The following ADGB variants were observed in gnomAD, a reference collection of about 807,000 sequenced individuals.
ADGB encodes the protein calpain-7-like protein.
In ADGB, 172 loss-of-function variants were observed where a neutral mutation model predicts 210.5. The observed-to-expected ratio is 0.82, with a 90% CI of 0.72 to 0.93. The LOEUF (loss-of-function observed/expected upper bound fraction) is 0.93, where lower values mean the gene tolerates loss of function less well. Ranked by LOEUF, ADGB falls within the 40% of genes least tolerant of loss-of-function variation. The pLI, the probability that ADGB is intolerant of heterozygous loss-of-function variation, is 0.00. For synonymous variants in ADGB, 658 were observed against 662.7 expected, an observed-to-expected ratio of 0.99 and a Z score of 0.11; for missense variants, 2,025 against 1,964.8, an observed-to-expected ratio of 1.03 and a Z score of -0.58.
intron 25 of ADGB, among the ~76,000 whole-genome samples, chr6:146,741,867 A>G (rs1421932462): frequency 6.6e-6 from 1 of 152,184 alleles, no homozygotes; most frequent in Non-Finnish European, 1.5e-5. Context: ...TCTAAGAGAG[A>G]ATCACAACAA....
chr6:146,706,250 C>CTTTTCT (rs753111170), intron 13 of ADGB, among the ~76,000 whole-genome samples: 1 of 147,448 alleles, frequency 6.8e-6, no homozygotes, highest in Non-Finnish European at 1.5e-5. Context: ...TTTTTTTTTT[C>CTTTTCT]TTTTCTTTTT....
At chr6:146,711,839 C>G (rs1325894721) in intron 13 of ADGB, among the ~76,000 whole-genome samples, 1 of 151,712 alleles carries the variant, frequency 6.6e-6, no homozygotes, top group South Asian at 2.1e-4. Flanking sequence ...AGGCAGCCTG[C>G]GCAAGACAGT....
chr6:146,813,984 CAT>C (rs1778342183), intron 35 of ADGB, among the ~76,000 whole-genome samples: 1 of 129,398 alleles, frequency 7.7e-6, no homozygotes, highest in South Asian at 2.6e-4. Context: ...GTATATTAAA[CAT>C]ATTTACAAAC....
Position 146,784,719 on chromosome 6 carries a change from G to T in ADGB, c.4137G>T (p.Lys1379Asn). Residue 1379 changes from lysine (K) to asparagine (N), a missense_variant, in exon 31 of 36, where the codon AAG (lysine) becomes AAT (asparagine). By Grantham distance (94) the Lys-to-Asn change is moderately conservative. Transcript: ENST00000397944. ...AATCAGAATTATTTGAAGTGAAAAA[G>T]GATACAGAAAGGGCAGATGAAATCC... ...HNESELFEVK[K>N]DTERADEIRA... The T allele has an allele frequency of 1.9e-6, 3 of 1,551,156 alleles. No homozygotes were observed. Among genetic ancestry groups the T allele is most frequent in the Non-Finnish European group, 1.7e-6 (2 of 1,146,722 alleles).
At chr6:146,604,969 A>G (rs1020596029) in intron 1 of ADGB, among the ~76,000 whole-genome samples, 1 of 152,118 alleles carries the variant, frequency 6.6e-6, no homozygotes, top group Non-Finnish European at 1.5e-5. Context: ...CCACTCTTCA[A>G]TTTCAAAAGG....
At chr6:146,808,284 G>T (rs1778244568) in intron 35 of ADGB, among the ~76,000 whole-genome samples, 1 of 152,162 alleles carries the variant, frequency 6.6e-6, no homozygotes, top group Non-Finnish European at 1.5e-5. Context: ...ACAGGCGTGA[G>T]CCACCACTTT....
At chr6:146,733,462 G>A (rs2114587541) in intron 21 of ADGB, among the ~76,000 whole-genome samples, 1 of 152,190 alleles carries the variant, frequency 6.6e-6, no homozygotes, top group Middle Eastern at 3.4e-3. Flanking sequence ...CTAGGGGAGT[G>A]TCTTACAGGG....
Position 146,782,217 on chromosome 6 carries a change from G to C in ADGB, c.4035+25G>C, listed in dbSNP as rs751315840. On this transcript the variant is annotated intron_variant, in intron 30 of 35. Coordinates refer to ENST00000397944, the MANE Select transcript of ADGB (RefSeq NM_024694.4). Reference sequence around the variant, plus strand: ...GGTGGGTGTGGAATTTTTTTTATTTGAGTGACTTAATGATTTTAGGTTCAG... The same window carrying C: ...GGTGGGTGTGGAATTTTTTTTATTTCAGTGACTTAATGATTTTAGGTTCAG... The C allele has an allele frequency of 3.3e-6, 5 of 1,496,584 alleles. No individual in the cohort carries two copies. The South Asian group carries it at 6.9e-5, about 21-fold the overall frequency. 92.7% of individuals were successfully genotyped at this position (1,496,584 alleles called of 1,614,324 possible).
chr6:146,794,313 T>A (rs1450082715), intron 33 of ADGB, among the ~76,000 whole-genome samples: 16 of 152,142 alleles, frequency 1.1e-4, no homozygotes, highest in Non-Finnish European at 1.5e-4. Context: ...CCCATACTCC[T>A]AGAGTACTTG....
intron 2 of ADGB, chr6:146,639,635 G>A (rs934688887): frequency 6.6e-6 from 1 of 151,964 alleles, no homozygotes; most frequent in Non-Finnish European, 1.5e-5. Context: ...CATAGTCTCA[G>A]ACCAAAAGCT....
rs1156323468 is a variant in ADGB, at chr6:146,728,831, C to T, written c.2520+90C>T. The T allele has an allele frequency of 2.8e-6, 3 of 1,083,190 alleles. No individual in the cohort carries two copies. In the African/African-American group the frequency reaches 4.7e-5, roughly 17 times the overall value. 67.1% of individuals were successfully genotyped at this position (1,083,190 alleles called of 1,614,324 possible). A position where few individuals can be genotyped will look rare whatever the true frequency, so the allele number is the denominator to read the frequency against. On this transcript the variant is annotated intron_variant, in intron 20 of 35. Coordinates refer to ENST00000397944, the MANE Select transcript of ADGB (RefSeq NM_024694.4). ...ATTAGGTGACCTCCCAAATCAGAGC[C>T]AGAGAAAATATTTTGGATGGAGATA...
chr6:146,620,262 T>C (rs1037244515), intron 1 of ADGB, among the ~76,000 whole-genome samples: 4 of 152,130 alleles, frequency 2.6e-5, no homozygotes, highest in African/African-American at 7.2e-5. Flanking sequence ...CCTCTTCGGG[T>C]TGAATTTGAT....
At chr6:146,679,821 T>C (rs1776133193) in intron 9 of ADGB, among the ~76,000 whole-genome samples, 1 of 152,194 alleles carries the variant, frequency 6.6e-6, no homozygotes, top group Non-Finnish European at 1.5e-5. Context: ...TAATTACAAA[T>C]ACCGAAGTTC....
chr6:146,732,171 C>A (rs1281638750), intron 20 of ADGB, among the ~76,000 whole-genome samples: 1 of 152,144 alleles, frequency 6.6e-6, no homozygotes, highest in Non-Finnish European at 1.5e-5. Flanking sequence ...AACTCTTGAT[C>A]CACGGGTATG....
At chr6:146,604,878 C>T (rs1640584222) in intron 1 of ADGB, among the ~76,000 whole-genome samples, 1 of 152,034 alleles carries the variant, frequency 6.6e-6, no homozygotes, top group African/African-American at 2.4e-5. Context: ...CATGAGACTC[C>T]TAAAATGAGG....
At chr6:146,767,966 A>T (rs954413286) in intron 28 of ADGB, among the ~76,000 whole-genome samples, 1 of 151,898 alleles carries the variant, frequency 6.6e-6, no homozygotes, top group African/African-American at 2.4e-5. Flanking sequence ...ACATCAGAAT[A>T]TGATGCCTTT....
Position 146,733,959 on chromosome 6 carries a change from C to A in ADGB, c.2723C>A (p.Ala908Glu). ...SDKEYSAEEV[A>E]AAIKIQAMWR... Reference sequence around the variant, plus strand: ...AAAGAGTATTCTGCTGAGGAAGTAGCAGCAGCAATTAAAATTCAAGCCATG... The same window carrying A: ...AAAGAGTATTCTGCTGAGGAAGTAGAAGCAGCAATTAAAATTCAAGCCATG... Residue 908 changes from alanine to glutamate, a missense_variant, in exon 22 of 36, where the codon GCA becomes GAA. Physicochemically the swap from Ala to Glu is moderately radical, Grantham distance 107 (BLOSUM62 -1). Coordinates refer to ENST00000397944, the MANE Select transcript of ADGB (RefSeq NM_024694.4). 6.4e-7 allele frequency: 1 copy of A among 1,551,442 alleles called. No individual in the cohort carries two copies. Among genetic ancestry groups the A allele is most frequent in the Non-Finnish European group, 8.7e-7 (1 of 1,146,812 alleles).
intron 16 of ADGB, 124 bp from the exon 17 acceptor site, chr6:146,721,279 G>T: frequency 3.2e-6 from 2 of 623,822 alleles, no homozygotes; most frequent in South Asian, 2.1e-5. Context: ...AGTATTTATT[G>T]TGGTGCCTAC....
chr6:146,701,111 G>A (rs1272977527), intron 13 of ADGB, 41 bp downstream of exon 13: 2 of 1,542,640 alleles, frequency 1.3e-6, no homozygotes, highest in Non-Finnish European at 1.7e-6. Context: ...CTCTTAATGA[G>A]ACAAGATTTT....
Sources: allele counts gnomAD v4.1 joint callset (sites outside exome capture counted in the v4.1 genomes callset), GRCh38; gene constraint gnomAD v4.1.1; transcripts MANE v1.5; gene names NCBI Gene and HGNC (gene_info 2026-07-23, HGNC 2026-07-21).